DNAJC16: variants seen among roughly 807,000 people sequenced by gnomAD.
DNAJC16 encodes DnaJ heat shock protein family (Hsp40) member C16.
Under a neutral mutation model 92.7 loss-of-function variants are expected in DNAJC16, and 76 were observed. The observed-to-expected ratio is 0.82, with a 90% CI of 0.68 to 0.99. The LOEUF is 0.99. DNAJC16 is among the 50% of genes least tolerant of loss of function. The pLI is 0.00. For synonymous variants in DNAJC16, 328 were observed against 358.7 expected (o/e 0.91, Z 0.97); for missense variants, 869 against 942.4 (o/e 0.92, Z 1.02).
intron 7 of DNAJC16, among the ~76,000 whole-genome samples, chr1:15,559,220 G>C (rs1638636968): frequency 6.6e-6 from 1 of 152,178 alleles, no homozygotes; most frequent in Non-Finnish European, 1.5e-5. Flanking sequence ...TTTCAGATGT[G>C]AGCCACCACG....
At chr1:15,560,150 A>G (rs1193516052) in intron 8 of DNAJC16, 3 of 152,070 alleles carry the variant, frequency 2.0e-5, no homozygotes, top group African/African-American at 4.8e-5. Context: ...CTTTAGCACC[A>G]AATTGTCAGA....
At chr1:15,527,619 C>T (rs760010962) in intron 1 of DNAJC16, among the ~76,000 whole-genome samples, 20 of 152,156 alleles carry the variant, frequency 1.3e-4, no homozygotes, top group Admixed American at 6.5e-4. Context: ...GCTACATTGC[C>T]TTCACGTGTT....
At chr1:15,567,473 C>T (rs544674197) in intron 14 of DNAJC16, among the ~76,000 whole-genome samples, 1 of 152,280 alleles carries the variant, frequency 6.6e-6, no homozygotes, top group South Asian at 2.1e-4. Context: ...TGGTTCTGAA[C>T]AGAAAAGCTT....
intron 8 of DNAJC16, 145 bp from the exon 9 acceptor site, chr1:15,561,997 T>G: frequency 1.5e-6 from 1 of 677,752 alleles, no homozygotes; most frequent in Non-Finnish European, 2.2e-6. Context: ...AAATCCTCCC[T>G]TAGTTGAAAT....
At chr1:15,535,221 A>T (rs1288582375) in intron 3 of DNAJC16, among the ~76,000 whole-genome samples, 1 of 152,212 alleles carries the variant, frequency 6.6e-6, no homozygotes, top group Non-Finnish European at 1.5e-5. Context: ...CTTGGTTTGA[A>T]TTGGTCCAAC....
chr1:15,563,620 G>A (rs1249887707), intron 9 of DNAJC16, among the ~76,000 whole-genome samples: 1 of 135,272 alleles, frequency 7.4e-6, no homozygotes, highest in Non-Finnish European at 1.5e-5. Flanking sequence ...GAGGTCAGGA[G>A]ATCGAGACCA....
In DNAJC16 at chr1:15,536,714, C is replaced by T. The variant is rs1278899589; in HGVS notation, c.474C>T (p.Phe158=). 6.2e-7 allele frequency: 1 copy of T among 1,614,084 alleles called. No individual in the cohort carries two copies. Among genetic ancestry groups the T allele is most frequent in the East Asian group, 2.2e-5 (1 of 44,896 alleles). Residue 158 remains phenylalanine, a synonymous_variant, in exon 4 of 15, where the codon TTC becomes TTT. Coordinates refer to ENST00000375847, the MANE Select transcript of DNAJC16 (RefSeq NM_015291.4). The part of the protein sequence containing the change: ...HYVNEVVPDS[F]KKPYLIKITS... Reference sequence around the variant, plus strand: ...TGAATGAAGTGGTTCCAGATAGCTTCAAGAAACCCTACCTCATCAAGATCA... The same window carrying T: ...TGAATGAAGTGGTTCCAGATAGCTTTAAGAAACCCTACCTCATCAAGATCA...
intron 3 of DNAJC16, among the ~76,000 whole-genome samples, chr1:15,535,681 G>C (rs1710762094): frequency 6.6e-6 from 1 of 152,106 alleles, no homozygotes; most frequent in Admixed American, 6.5e-5. Flanking sequence ...AGTGAGCTGT[G>C]ATCACGCCAC....
chr1:15,567,096 C>T lies in DNAJC16; in HGVS notation c.1779-3C>T. Reference sequence around the variant, plus strand: ...ATCTTAACTCCTCAATATTTCTCCACAGCAAGATTCCTAAAAAAGGCTTTG... The same window carrying T: ...ATCTTAACTCCTCAATATTTCTCCATAGCAAGATTCCTAAAAAAGGCTTTG... On this transcript the variant is annotated splice_region_variant and splice_polypyrimidine_tract_variant and intron_variant, in intron 13 of 14. Coordinates refer to ENST00000375847, the MANE Select transcript of DNAJC16 (RefSeq NM_015291.4). 1 of 1,605,342 alleles carries T rather than the reference C, an allele frequency of 6.2e-7. No individual in the cohort carries two copies. Among genetic ancestry groups the T allele is most frequent in the East Asian group, 2.2e-5 (1 of 44,598 alleles).
intron 5 of DNAJC16, among the ~76,000 whole-genome samples, chr1:15,545,845 A>C (rs939564678): frequency 1.3e-5 from 2 of 152,234 alleles, no homozygotes; most frequent in Admixed American, 6.5e-5. Flanking sequence ...AACTTTTTTT[A>C]ACGACTAAGA....
rs759505166 is a variant in DNAJC16 at position 15,548,315 on chromosome 1, T to C, written c.910T>C (p.Tyr304His). The change falls in exon 7 of 15, where the codon TAT becomes CAT. Residue 304 changes from tyrosine to histidine, a missense_variant. Physicochemically the swap from Tyr to His is moderately conservative, Grantham distance 83 (BLOSUM62 2). Transcript: ENST00000375847. ...YKDYLSFGYV[Y>H]VGLRGTEEMT... ...AGATTATTTATCATTTGGATATGTATATGTGGGTTTGAGAGGGACGGAAGA... is the reference window on the plus strand; with the variant it reads ...AGATTATTTATCATTTGGATATGTACATGTGGGTTTGAGAGGGACGGAAGA... 3.1e-6 allele frequency: 5 copies of C among 1,614,182 alleles called. No homozygotes were observed. The highest frequency in any genetic ancestry group is 1.1e-5 in the South Asian group (1 of 91,086).
chr1:15,536,876 AG>A (rs1445658290), intron 4 of DNAJC16, 62 bp downstream of exon 4: 7 of 1,410,424 alleles, frequency 5.0e-6, no homozygotes, highest in Non-Finnish European at 6.7e-6. Flanking sequence ...TTCAAGATGG[AG>A]TCTTGCTCTG....
chr1:15,550,825 A>G (rs1027251899), intron 7 of DNAJC16, among the ~76,000 whole-genome samples: 1 of 152,216 alleles, frequency 6.6e-6, no homozygotes, highest in East Asian at 1.9e-4. Flanking sequence ...TTCACCCCCA[A>G]TCACTCGCAG....
intron 5 of DNAJC16, among the ~76,000 whole-genome samples, chr1:15,545,813 C>G (rs1220663050): frequency 6.6e-6 from 1 of 152,082 alleles, no homozygotes; most frequent in Non-Finnish European, 1.5e-5. Flanking sequence ...ATAAATCATT[C>G]TAGATGCAGT....
At chr1:15,563,531 A>G (rs1183144771) in intron 9 of DNAJC16, among the ~76,000 whole-genome samples, 1 of 150,954 alleles carries the variant, frequency 6.6e-6, no homozygotes. Context: ...CTCTGTCTCA[A>G]AAAACAAACA....
intron 11 of DNAJC16, chr1:15,565,693 G>A (rs1266808919): frequency 1.7e-6 from 1 of 574,722 alleles, no homozygotes; most frequent in Non-Finnish European, 3.1e-6. Context: ...ATTATACTGA[G>A]ATACAAAATC....
At chr1:15,537,288 G>A (rs1242145286) in intron 4 of DNAJC16, among the ~76,000 whole-genome samples, 1 of 152,200 alleles carries the variant, frequency 6.6e-6, no homozygotes, top group Admixed American at 6.5e-5. Context: ...CTTGAAGGGG[G>A]TTGGAAGTCA....
At chr1:15,549,377 G>T (rs557343966) in intron 7 of DNAJC16, among the ~76,000 whole-genome samples, 15 of 152,292 alleles carry the variant, frequency 9.8e-5, no homozygotes, top group African/African-American at 2.6e-4. Context: ...AATGGTTAGT[G>T]GTTGAAGTCC....
intron 4 of DNAJC16, among the ~76,000 whole-genome samples, chr1:15,541,490 A>G (rs909388452): frequency 1.3e-5 from 2 of 152,204 alleles, no homozygotes; most frequent in Non-Finnish European, 2.9e-5. Context: ...CTGTAAAATG[A>G]GGGAAGCGGA....
Sources: gnomAD v4.1 joint callset for allele counts (sites outside exome capture counted in the v4.1 genomes callset) on GRCh38, gnomAD v4.1.1 for gene constraint, MANE v1.5 for transcripts, NCBI Gene and HGNC (gene_info 2026-07-23, HGNC 2026-07-21) for gene names.